The following RACGAP1 variants were observed in gnomAD, a reference collection of about 807,000 sequenced individuals.
RACGAP1 encodes Rac GTPase activating protein 1.
RACGAP1 carries 30 observed loss-of-function variants against 78.1 expected under a neutral mutation model. That is an observed-to-expected ratio of 0.38 (90% CI 0.29 to 0.52). The LOEUF (loss-of-function observed/expected upper bound fraction) is 0.52. RACGAP1 is among the 20% of genes least tolerant of loss of function. RACGAP1 has a pLI of 0.82. For missense variants in RACGAP1, 587 were observed against 777.1 expected, an observed-to-expected ratio of 0.76 and a Z score of 2.91; for synonymous variants, 231 against 264.8, an observed-to-expected ratio of 0.87 and a Z score of 1.24.
At chr12:49,999,438 G>T in intron 8 of RACGAP1, 167 bp from the exon 9 acceptor site, 1 of 1,040,486 alleles carries the variant, frequency 9.6e-7, no homozygotes. Context: ...AGTTATGCCA[G>T]TGGGCTAGCA....
At chr12:50,001,377 A>C in intron 6 of RACGAP1, 125 bp from the exon 7 acceptor site, 1 of 612,846 alleles carries the variant, frequency 1.6e-6, no homozygotes, top group Non-Finnish European at 2.8e-6. Flanking sequence ...AATAACAAAC[A>C]ATGTGTTCTC....
upstream of RACGAP1, chr12:50,025,595 A>T (rs942987397): frequency 1.0e-5 from 10 of 955,194 alleles, no homozygotes; most frequent in African/African-American, 1.4e-4. Flanking sequence ...AACGGGAATG[A>T]GCATGCGCAT....
Position 49,992,308 on chromosome 12 carries a change from C to T in RACGAP1, c.1515G>A (p.Val505=), listed in dbSNP as rs1380780023. 4 of 1,614,052 alleles carry T rather than the reference C, an allele frequency of 2.5e-6. No homozygotes were observed. In the Admixed American group the frequency reaches 5.0e-5, roughly 20 times the overall value. ...NLAKVFGPTI[V]AHAVPNPDPV... The stretch of plus-strand genomic sequence containing the variant: ...GGTCTGGATTGGGCACAGCATGGGC[C>T]ACTATTGTAGGGCCAAAGACTTTAG... The change falls in exon 14 of 17, where the codon GTG becomes GTA. Residue 505 remains valine (V), a synonymous_variant. Transcript: ENST00000312377.
At chr12:49,991,457 T>TATATATA (rs1555169076) in intron 15 of RACGAP1, among the ~76,000 whole-genome samples, 2 of 27,402 alleles carry the variant, frequency 7.3e-5, no homozygotes, top group Non-Finnish European at 8.7e-5. Flanking sequence ...ATTTAAACTA[T>TATATATA]TATATATATA....
chr12:50,013,091 A>C (rs1949453373), intron 2 of RACGAP1, among the ~76,000 whole-genome samples: 1 of 152,224 alleles, frequency 6.6e-6, no homozygotes, highest in Admixed American at 6.5e-5. Flanking sequence ...AAATAAAAAA[A>C]GCCAACATTC....
chr12:49,999,886 C>T (rs1456818916), intron 7 of RACGAP1, 153 bp from the exon 8 acceptor site: 3 of 625,478 alleles, frequency 4.8e-6, no homozygotes, highest in Non-Finnish European at 5.6e-6. Flanking sequence ...GTTTTTCACT[C>T]TACCGCCCAG....
chr12:50,029,506 G>A (rs1221606801), upstream of RACGAP1, among the ~76,000 whole-genome samples: 1 of 150,326 alleles, frequency 6.7e-6, no homozygotes, highest in Non-Finnish European at 1.5e-5. Flanking sequence ...CCCGGGAGAC[G>A]GAGGTTGCAG....
Position 50,023,842 on chromosome 12 carries a change from T to C in RACGAP1, c.-5+1556A>G, listed in dbSNP as rs180811421. Among the ~76,000 whole-genome samples the C allele has an allele frequency of 9.0e-3, 1,376 of 152,226 alleles. 19 individuals carry two copies. Among genetic ancestry groups the C allele is most frequent in the Non-Finnish European group, 0.01 (695 of 68,010 alleles). ...ATGGAACTACCATTCAATCCAGCAA[T>C]CCCACTAATGGGTATAAGGGTAAGA... is the stretch of plus-strand genomic sequence containing the variant. On this transcript the variant is annotated intron_variant, in intron 1 of 16. Transcript: ENST00000312377.
At chr12:50,001,523 A>G (rs550413712) in intron 6 of RACGAP1, among the ~76,000 whole-genome samples, 1 of 152,344 alleles carries the variant, frequency 6.6e-6, no homozygotes, top group Admixed American at 6.5e-5. Flanking sequence ...CAGAAAAAGT[A>G]CAGCTGTAAT....
At chr12:50,019,724 A>AAATAAATAAATT (rs766196631) in intron 1 of RACGAP1, 5 of 149,712 alleles carry the variant, frequency 3.3e-5, no homozygotes, top group Non-Finnish European at 7.5e-5. Context: ...ATAAATAAAT[A>AAATAAATAAATT]AAAAGGTCCT....
In RACGAP1 at chr12:50,016,691, G is replaced by A. The variant is rs751070066; in HGVS notation, c.25C>T (p.Arg9Trp). The A allele has an allele frequency of 1.2e-5, 19 of 1,613,772 alleles. No homozygotes were observed. The highest frequency in any genetic ancestry group is 4.5e-5 in the East Asian group (2 of 44,874). The change falls in exon 2 of 17, where the codon CGG (arginine) becomes TGG (tryptophan). Residue 9 changes from arginine to tryptophan, a missense_variant. By Grantham distance (101) the Arg-to-Trp change is moderately radical. Transcript: ENST00000312377. MDTMMLNV[R>W]NLFEQLVRRV... Reference sequence around the variant, plus strand: ...CGCACAAGCTGCTCAAACAGATTCCGCACATTCAGCATCATAGTATCCATC... The same window carrying A: ...CGCACAAGCTGCTCAAACAGATTCCACACATTCAGCATCATAGTATCCATC...
chr12:49,999,084 G>A (rs1948488022), intron 9 of RACGAP1, 57 bp downstream of exon 9: 1 of 1,518,172 alleles, frequency 6.6e-7, no homozygotes, highest in Non-Finnish European at 8.8e-7. Flanking sequence ...TTTATTCCTG[G>A]TATTTATTAC....
At chr12:49,997,008 C>A in intron 10 of RACGAP1, 32 bp downstream of exon 10, 1 of 1,438,226 alleles carries the variant, frequency 7.0e-7, no homozygotes, top group Non-Finnish European at 9.2e-7. Flanking sequence ...ATAAAGAGGC[C>A]ATAAAACAAT....
chr12:50,029,089 G>A (rs184152114), upstream of RACGAP1, among the ~76,000 whole-genome samples: 112 of 152,144 alleles, frequency 7.4e-4, 1 homozygote, highest in African/African-American at 2.5e-3. Flanking sequence ...GGCGGCGTGC[G>A]CCTGTAGTCC....
At chr12:50,025,306 C>A in intron 1 of RACGAP1, 92 bp downstream of exon 1, 1 of 985,618 alleles carries the variant, frequency 1.0e-6, no homozygotes, top group Non-Finnish European at 1.2e-6. Context: ...TGTCCCGGAC[C>A]CCCGCGGCGG....
At chr12:50,010,051 T>C (rs1275521794) in intron 2 of RACGAP1, among the ~76,000 whole-genome samples, 1 of 152,258 alleles carries the variant, frequency 6.6e-6, no homozygotes, top group East Asian at 1.9e-4. Context: ...CATTATTTCC[T>C]ACTATGCATA....
rs1012382631 is a variant in RACGAP1 at position 50,015,895 on chromosome 12, T to TA, written c.85+735dup. Among the ~76,000 whole-genome samples, 114 of 148,444 alleles carry TA rather than the reference T, an allele frequency of 7.7e-4. 1 individual carries two copies. The highest frequency in any genetic ancestry group is 2.6e-3 in the African/African-American group (103 of 40,382). On this transcript the variant is annotated intron_variant, in intron 2 of 16. Coordinates refer to ENST00000312377, the MANE Select transcript of RACGAP1 (RefSeq NM_001319999.2). ...AACCTGGGTGACAGAATGAGATTCT[T>TA]AAAAAAAAAGAAAAAAGAAGAAATT... is the stretch of plus-strand genomic sequence containing the variant.
chr12:50,002,347 C>A, intron 5 of RACGAP1, 47 bp from the exon 6 acceptor site: 1 of 1,500,328 alleles, frequency 6.7e-7, no homozygotes, highest in East Asian at 2.3e-5. Context: ...GTTAGGCCAT[C>A]CCTAAACCCT....
chr12:50,019,968 G>A (rs1427180482), intron 1 of RACGAP1, among the ~76,000 whole-genome samples: 1 of 152,130 alleles, frequency 6.6e-6, no homozygotes, highest in East Asian at 1.9e-4. Context: ...TCTGATAGTT[G>A]TTACTTCCAT....
Sources: gnomAD v4.1 joint callset for allele counts (sites outside exome capture counted in the v4.1 genomes callset) on GRCh38, gnomAD v4.1.1 for gene constraint, MANE v1.5 for transcripts, NCBI Gene and HGNC (gene_info 2026-07-23, HGNC 2026-07-21) for gene names.